The following TEX11 variants were observed in gnomAD, a reference collection of about 807,000 sequenced individuals.
The protein encoded by TEX11 is testis expressed 11.
A neutral mutation model predicts 84.4 loss-of-function variants in TEX11; 7 were observed. That is an observed-to-expected ratio of 0.08 (90% CI 0.05 to 0.16). The LOEUF is 0.16. Ranked by LOEUF, TEX11 falls within the 10% of genes least tolerant of loss-of-function variation. TEX11 has a pLI of 1.00. For synonymous variants in TEX11, 264 were observed against 222.8 expected (o/e 1.18, Z -1.64); for missense variants, 551 against 660.5 (o/e 0.83, Z 1.82).
intron 8 of TEX11, among the ~76,000 whole-genome samples, chrX:70,818,701 G>T (rs1307678235): frequency 9.1e-6 from 1 of 110,375 alleles, no homozygotes; most frequent in Non-Finnish European, 1.9e-5. Flanking sequence ...CCTAGCCCTA[G>T]AACCACCACA....
intron 17 of TEX11, among the ~76,000 whole-genome samples, chrX:70,642,282 T>C (rs1006463346): frequency 3.6e-5 from 4 of 111,486 alleles, no homozygotes; most frequent in Non-Finnish European, 7.5e-5. Context: ...AATCAATAGC[T>C]TACCAACCAA....
chrX:70,568,797 C>A (rs1337628227), intron 25 of TEX11, among the ~76,000 whole-genome samples: 1 of 111,376 alleles, frequency 9.0e-6, no homozygotes, highest in Admixed American at 9.6e-5. Flanking sequence ...ATGGGCTTCC[C>A]TTTGTGGGTA....
intron 28 of TEX11, among the ~76,000 whole-genome samples, chrX:70,534,316 A>G (rs12556908): frequency 0.14 from 14,902 of 109,751 alleles, 1,047 homozygotes; most frequent in Non-Finnish European, 0.19. Flanking sequence ...GATTGATAGT[A>G]CTTGGTGATA....
At chrX:70,707,638 T>C (rs1569411635) in intron 13 of TEX11, among the ~76,000 whole-genome samples, 1 of 111,625 alleles carries the variant, frequency 9.0e-6, no homozygotes, top group Non-Finnish European at 1.9e-5. Flanking sequence ...TGATCAAGCA[T>C]ATATATGCTT....
At chrX:70,683,574 A>G (rs1415999126) in intron 13 of TEX11, among the ~76,000 whole-genome samples, 1 of 111,450 alleles carries the variant, frequency 9.0e-6, no homozygotes, top group African/African-American at 3.3e-5. Flanking sequence ...GTGGGCTGTG[A>G]TCGGGCTACT....
chrX:70,620,407 C>T (rs1020493605), intron 20 of TEX11, among the ~76,000 whole-genome samples: 5 of 111,835 alleles, frequency 4.5e-5, no homozygotes, highest in Non-Finnish European at 7.5e-5. Flanking sequence ...TGAGTTACCA[C>T]TGCATACCTA....
chrX:70,801,735 T>G (rs1327573494), intron 9 of TEX11, among the ~76,000 whole-genome samples: 4 of 107,565 alleles, frequency 3.7e-5, no homozygotes, highest in African/African-American at 1.4e-4. Context: ...TAACTATAGT[T>G]CATAATACTG....
In TEX11 at chrX:70,678,861, T is replaced by C. The variant is rs774775567; in HGVS notation, c.1185A>G (p.Ala395=). 1.5e-5 allele frequency: 18 copies of C among 1,196,877 alleles called. No homozygotes were observed. Among genetic ancestry groups the C allele is most frequent in the African/African-American group, 3.6e-5 (2 of 54,892 alleles). ...LAHQTGRQLT[A]ESMNWLHNIL... is the part of the protein sequence containing the mutation. ...TGTTGTGTAACCAGTTCATTGATTC[T>C]GCTGTCAGTTGTCTTCCTGTTTGGT... Residue 395 remains alanine, a synonymous_variant, in exon 15 of 30, where the codon GCA becomes GCG. Transcript: ENST00000374333.
intron 9 of TEX11, among the ~76,000 whole-genome samples, chrX:70,753,074 G>A (rs1254218790): frequency 1.8e-5 from 2 of 109,394 alleles, no homozygotes; most frequent in African/African-American, 6.7e-5. Context: ...CACAAGCCCC[G>A]CCACCGTGGG....
intron 24 of TEX11, among the ~76,000 whole-genome samples, chrX:70,597,590 C>T (rs1040842632): frequency 2.3e-4 from 26 of 111,783 alleles, no homozygotes; most frequent in Admixed American, 5.7e-4. Context: ...AGTTGGACCC[C>T]TATCTCACAC....
intron 26 of TEX11, 120 bp downstream of exon 26, chrX:70,554,531 A>G: frequency 1.6e-6 from 1 of 638,587 alleles, no homozygotes; most frequent in Non-Finnish European, 2.3e-6. Flanking sequence ...AGGAGAAACA[A>G]AGTGCTATGA....
At position 70,539,036 on chromosome X, in the gene TEX11, A is replaced by T. The variant is rs866253955; in HGVS notation, c.2521-9037T>A. On this transcript the variant is annotated intron_variant, in intron 28 of 29. Coordinates refer to ENST00000374333, the MANE Select transcript of TEX11 (RefSeq NM_031276.3). Reference sequence around the variant, plus strand: ...CACTTGGAAATATATATATATATATATATTTTTTTTTTTTTTAAGATGGAG... The same window carrying T: ...CACTTGGAAATATATATATATATATTTATTTTTTTTTTTTTTAAGATGGAG... Among the ~76,000 whole-genome samples the T allele has an allele frequency of 6.4e-4, 10 of 15,628 alleles. No homozygotes were observed. In the East Asian group the frequency reaches 0.056, roughly 88 times the overall value. The allele number at this position is 15,628 out of a possible 115,157, so 13.6% of individuals were successfully genotyped here.
At chrX:70,723,774 T>C (rs140213124) in intron 12 of TEX11, among the ~76,000 whole-genome samples, 1,228 of 110,174 alleles carry the variant, frequency 0.011, 12 homozygotes, top group African/African-American at 0.039. Flanking sequence ...TATTTTTAAA[T>C]TTCAATCTTT....
chrX:70,575,156 T>C lies in TEX11; in HGVS notation c.2140+16595A>G, dbSNP rs188329197. ...AAATACTCTGGCTGCTGTGTGGCTATTGAATTTATTAGGAGGGCAAGAAGT... is the reference window on the plus strand; with the variant it reads ...AAATACTCTGGCTGCTGTGTGGCTACTGAATTTATTAGGAGGGCAAGAAGT... On this transcript the variant is annotated intron_variant, in intron 25 of 29. Transcript: ENST00000374333. 5.8e-3 allele frequency among the ~76,000 whole-genome samples: 650 copies of C among 111,649 alleles called. 3 individuals carry two copies. Among genetic ancestry groups the C allele is most frequent in the African/African-American group, 0.02 (622 of 30,769 alleles).
chrX:70,587,863 A>T (rs767200664), intron 25 of TEX11, among the ~76,000 whole-genome samples: 1 of 112,708 alleles, frequency 8.9e-6, no homozygotes, highest in Non-Finnish European at 1.9e-5. Context: ...ACAGGGGCAG[A>T]GCTGCCCAAG....
chrX:70,826,908 C>T (rs571370102), intron 8 of TEX11, among the ~76,000 whole-genome samples: 8 of 111,303 alleles, frequency 7.2e-5, no homozygotes, highest in African/African-American at 2.3e-4. Context: ...GAACTTGCCA[C>T]GTGACCTAGG....
chrX:70,568,314 G>T (rs181242176), intron 25 of TEX11, among the ~76,000 whole-genome samples: 8,607 of 110,233 alleles, frequency 0.078, 422 homozygotes, highest in Admixed American at 0.25. Flanking sequence ...CATGTGAGAT[G>T]GGTTTCCTGA....
chrX:70,554,821 C>A, intron 25 of TEX11, 21 bp from the exon 26 acceptor site: 2 of 1,183,988 alleles, frequency 1.7e-6, no homozygotes, highest in Non-Finnish European at 2.3e-6. Context: ...GGCAAAAATG[C>A]AACATTCTTT....
At chrX:70,654,080 G>A (rs1391754081) in intron 16 of TEX11, among the ~76,000 whole-genome samples, 1 of 111,611 alleles carries the variant, frequency 9.0e-6, no homozygotes, top group Non-Finnish European at 1.9e-5. Flanking sequence ...GAACTATTCT[G>A]TATGGTATTA....
Sources: gnomAD v4.1 joint callset for allele counts (sites outside exome capture counted in the v4.1 genomes callset) on GRCh38, gnomAD v4.1.1 for gene constraint, MANE v1.5 for transcripts, NCBI Gene and HGNC (gene_info 2026-07-23, HGNC 2026-07-21) for gene names.